The following PDE7B variants were observed in gnomAD, a reference collection of about 807,000 sequenced individuals.
PDE7B encodes the protein 3',5'-cyclic-AMP phosphodiesterase 7B.
Under a neutral mutation model 56.2 loss-of-function variants are expected in PDE7B, and 29 were observed. The observed-to-expected ratio is 0.52, with a 90% confidence interval of 0.38 to 0.70. The LOEUF is 0.70. Ranked by LOEUF, PDE7B falls within the 30% of genes least tolerant of loss-of-function variation. The pLI is 0.00. For missense variants in PDE7B, 490 were observed against 565.0 expected (o/e 0.87, Z 1.35); for synonymous variants, 197 against 196.9 (o/e 1.00, Z 0.00).
intron 8 of PDE7B, among the ~76,000 whole-genome samples, chr6:136,157,478 T>C (rs1265550384): frequency 1.3e-5 from 2 of 152,160 alleles, no homozygotes; most frequent in Non-Finnish European, 2.9e-5. Flanking sequence ...CTTGGGAGGC[T>C]GAGACAGGAG....
chr6:136,195,149 T>C lies in PDE7B; in HGVS notation c.*3309T>C, dbSNP rs369289275. On this transcript the variant is annotated 3_prime_UTR_variant, in exon 13 of 13. Coordinates refer to ENST00000308191, the MANE Select transcript of PDE7B (RefSeq NM_018945.4). The stretch of plus-strand genomic sequence containing the variant: ...TCTTCCTTTTAATAACAGTGATGAA[T>C]TGTCAGGACCTTATTTAGGAAACCC... 1.3e-5 allele frequency: 2 copies of C among 152,194 alleles called. No homozygotes were observed. The highest frequency in any genetic ancestry group is 3.9e-4 in the East Asian group (2 of 5,190). The allele number at this position is 152,194 out of a possible 1,614,324, so 9.4% of individuals were successfully genotyped here.
chr6:136,093,517 C>T (rs1336274167), intron 2 of PDE7B, among the ~76,000 whole-genome samples: 2 of 152,188 alleles, frequency 1.3e-5, no homozygotes, highest in Non-Finnish European at 2.9e-5. Context: ...CGATGGTAAA[C>T]TTGTGTGAAT....
At chr6:135,865,897 A>G (rs1775250824) in intron 1 of PDE7B, among the ~76,000 whole-genome samples, 1 of 152,170 alleles carries the variant, frequency 6.6e-6, no homozygotes, top group African/African-American at 2.4e-5. Flanking sequence ...ATAGGGAAAG[A>G]GAGTAAGGGT....
At chr6:136,103,388 CCTCT>C (rs1419093005) in intron 2 of PDE7B, among the ~76,000 whole-genome samples, 11 of 152,320 alleles carry the variant, frequency 7.2e-5, no homozygotes, top group African/African-American at 2.6e-4. Flanking sequence ...CAACCTTCCT[CCTCT>C]CTTTTAGGCC....
At chr6:136,141,805 C>G (rs541089706) in intron 3 of PDE7B, among the ~76,000 whole-genome samples, 38 of 152,188 alleles carry the variant, frequency 2.5e-4, no homozygotes, top group African/African-American at 8.2e-4. Flanking sequence ...GGGATCGGTG[C>G]TGATATCCCC....
intron 2 of PDE7B, chr6:136,037,781 G>C (rs956395246): frequency 1.0e-6 from 1 of 985,288 alleles, no homozygotes; most frequent in East Asian, 1.1e-4. Context: ...GAGCTAAGCC[G>C]ACAAAGAGCT....
Position 136,004,707 on chromosome 6 carries a change from T to C in PDE7B, c.82+57183T>C, listed in dbSNP as rs1383213943. On this transcript the variant is annotated intron_variant, in intron 2 of 12. Transcript: ENST00000308191. Reference sequence around the variant, plus strand: ...CACTGCTCAAGGAAATAAAAGAGGATACAAACAAGTGGAAGAACATTCCAT... The same window carrying C: ...CACTGCTCAAGGAAATAAAAGAGGACACAAACAAGTGGAAGAACATTCCAT... 5.9e-5 allele frequency among the ~76,000 whole-genome samples: 9 copies of C among 152,142 alleles called. No homozygotes were observed. The South Asian group carries it at 1.5e-3, about 25-fold the overall frequency.
chr6:136,178,944 A>T (rs1562514805), intron 9 of PDE7B, 53 bp from the exon 10 acceptor site: 10 of 1,595,550 alleles, frequency 6.3e-6, no homozygotes, highest in Admixed American at 1.7e-5. Context: ...AATCACCCTC[A>T]TCAAAGGGAT....
intron 3 of PDE7B, among the ~76,000 whole-genome samples, chr6:136,126,149 G>A (rs1170834076): frequency 6.6e-6 from 1 of 152,154 alleles, no homozygotes; most frequent in African/African-American, 2.4e-5. Flanking sequence ...TGACAGTCCA[G>A]TGCAGATCGA....
chr6:135,957,144 G>C (rs138709240), intron 2 of PDE7B, among the ~76,000 whole-genome samples: 8 of 152,288 alleles, frequency 5.3e-5, no homozygotes, highest in Admixed American at 5.2e-4. Context: ...ATAGAGACAG[G>C]TGTGCCTGGG....
At chr6:135,934,224 T>A (rs1774347936) in intron 1 of PDE7B, among the ~76,000 whole-genome samples, 1 of 152,162 alleles carries the variant, frequency 6.6e-6, no homozygotes, top group Non-Finnish European at 1.5e-5. Flanking sequence ...CTTCAAATAA[T>A]CCCCAAGTGA....
chr6:135,918,097 T>C (rs1773992082), intron 1 of PDE7B, among the ~76,000 whole-genome samples: 1 of 152,228 alleles, frequency 6.6e-6, no homozygotes, highest in African/African-American at 2.4e-5. Flanking sequence ...TTCTTCTCTA[T>C]GCAGTTTCTA....
Position 136,050,840 on chromosome 6 carries a change from G to A in PDE7B, c.83-57891G>A, listed in dbSNP as rs147865126. 2.0e-4 allele frequency among the ~76,000 whole-genome samples: 31 copies of A among 152,176 alleles called. No homozygotes were observed. In the South Asian group the frequency reaches 3.7e-3, roughly 18 times the overall value. ...GCTTCTATAAGGTGTTTGTAGCCCC[G>A]AAGGAACAGTGTAATCTTTGATGAC... On this transcript the variant is annotated intron_variant, in intron 2 of 12. Coordinates refer to ENST00000308191, the MANE Select transcript of PDE7B (RefSeq NM_018945.4).
intron 2 of PDE7B, chr6:136,038,663 C>T: frequency 1.8e-6 from 1 of 546,044 alleles, no homozygotes; most frequent in Non-Finnish European, 2.8e-6. Flanking sequence ...TTCCAAATGT[C>T]TGCTGTATGA....
rs1168049960 is a variant in PDE7B at position 135,916,810 on chromosome 6, T to G, written c.22-30654T>G. 1.3e-5 allele frequency among the ~76,000 whole-genome samples: 2 copies of G among 152,156 alleles called. 1 individual carries two copies. The highest frequency in any genetic ancestry group is 2.9e-5 in the Non-Finnish European group (2 of 68,032). ...CATTGTCAGATATATATTCAGAATG[T>G]TTTCTTCCTATCCATGGCTTGAGAG... On this transcript the variant is annotated intron_variant, in intron 1 of 12. Coordinates refer to ENST00000308191, the MANE Select transcript of PDE7B (RefSeq NM_018945.4).
chr6:136,048,342 G>A (rs1776557298), intron 2 of PDE7B, among the ~76,000 whole-genome samples: 1 of 152,114 alleles, frequency 6.6e-6, no homozygotes, highest in African/African-American at 2.4e-5. Context: ...TGGCCAACAT[G>A]GTGAAACTCT....
Position 136,117,432 on chromosome 6 carries a change from A to T in PDE7B, c.166+8618A>T, listed in dbSNP as rs146300881. Among the ~76,000 whole-genome samples, 13 of 152,340 alleles carry T rather than the reference A, an allele frequency of 8.5e-5. No individual in the cohort carries two copies. The East Asian group carries it at 2.1e-3, about 25-fold the overall frequency. On this transcript the variant is annotated intron_variant, in intron 3 of 12. Transcript: ENST00000308191. ...GGTCCCCATTCTACTGTATGTATGA[A>T]AAACCAGAACATGGCCCCATCCTTA...
intron 2 of PDE7B, among the ~76,000 whole-genome samples, chr6:135,953,520 G>A (rs1419410256): frequency 6.6e-6 from 1 of 152,116 alleles, no homozygotes; most frequent in Non-Finnish European, 1.5e-5. Context: ...TATTAGGGCT[G>A]TTGAGGATTA....
At chr6:136,168,072 CAT>C (rs1335870648) in intron 8 of PDE7B, among the ~76,000 whole-genome samples, 1 of 152,066 alleles carries the variant, frequency 6.6e-6, no homozygotes, top group East Asian at 1.9e-4. Context: ...GATAAGTGAA[CAT>C]AGAGAAAGAG....
Sources: allele counts gnomAD v4.1 joint callset (sites outside exome capture counted in the v4.1 genomes callset), GRCh38; gene constraint gnomAD v4.1.1; transcripts MANE v1.5; gene names NCBI Gene and HGNC (gene_info 2026-07-23, HGNC 2026-07-21).